KAT14: variants seen among roughly 807,000 people sequenced by gnomAD.
The protein encoded by KAT14 is lysine acetyltransferase 14, also known as cysteine-rich protein 2-binding protein.
KAT14 carries 66 observed loss-of-function variants against 78.4 expected under a neutral mutation model. The ratio of observed to expected loss-of-function variants is 0.84; its 90% CI spans 0.69 to 1.03. The LOEUF is 1.03. Among genes scored for constraint, KAT14 ranks in the 50% least tolerant of loss-of-function variants. The probability of loss-of-function intolerance (pLI) is 0.00; values close to 1 mark genes in which losing one functional copy is unlikely to be tolerated. For missense variants in KAT14, 870 were observed against 972.5 expected (o/e 0.89, Z 1.40); for synonymous variants, 344 against 359.4 (o/e 0.96, Z 0.48).
chr20:18,152,118 G>A (rs948899790), intron 4 of KAT14, among the ~76,000 whole-genome samples: 1 of 152,056 alleles, frequency 6.6e-6, no homozygotes, highest in African/African-American at 2.4e-5. Flanking sequence ...AGTTGGATAA[G>A]TCAATATTTC....
intron 4 of KAT14, among the ~76,000 whole-genome samples, chr20:18,152,085 T>C (rs1294283341): frequency 1.3e-5 from 2 of 152,232 alleles, no homozygotes; most frequent in East Asian, 3.9e-4. Flanking sequence ...AAATAAGAGT[T>C]GTATTACATG....
chr20:18,137,793 C>A, upstream of KAT14: 1 of 683,094 alleles, frequency 1.5e-6, no homozygotes, highest in Non-Finnish European at 2.2e-6. Context: ...CTATGCTCGG[C>A]TCTCGATTGC....
rs1458906078 is a variant in KAT14 at position 18,142,225 on chromosome 20, T to C, written c.-436T>C. On this transcript the variant is annotated 5_prime_UTR_variant, in exon 2 of 11. Transcript: ENST00000688188. ...GTTTTTAGAGGCTTCGTGACGGAGTTATCAGAGACATTGAGAGGCAAATTC... is the reference window on the plus strand; with the variant it reads ...GTTTTTAGAGGCTTCGTGACGGAGTCATCAGAGACATTGAGAGGCAAATTC... The C allele has an allele frequency of 6.5e-7, 1 of 1,537,184 alleles. No individual in the cohort carries two copies. Among genetic ancestry groups the C allele is most frequent in the Non-Finnish European group, 8.7e-7 (1 of 1,146,884 alleles).
At chr20:18,168,066 T>C (rs997451451) in intron 7 of KAT14, among the ~76,000 whole-genome samples, 2 of 152,242 alleles carry the variant, frequency 1.3e-5, no homozygotes, top group African/African-American at 4.8e-5. Context: ...TTGAGGTTAA[T>C]TTTGAAAACT....
intron 8 of KAT14, 48 bp downstream of exon 8, chr20:18,181,894 AT>A (rs1457343886): frequency 6.2e-7 from 1 of 1,604,658 alleles, no homozygotes; most frequent in Non-Finnish European, 8.5e-7. Flanking sequence ...ATGAGGGATA[AT>A]GATTGTGGTT....
At chr20:18,153,122 G>T (rs1296786174) in intron 4 of KAT14, among the ~76,000 whole-genome samples, 2 of 152,104 alleles carry the variant, frequency 1.3e-5, no homozygotes, top group Non-Finnish European at 2.9e-5. Context: ...TTCAGGTCAG[G>T]GCAGGGAGTT....
At chr20:18,153,641 C>T (rs1209668940) in intron 4 of KAT14, among the ~76,000 whole-genome samples, 1 of 152,166 alleles carries the variant, frequency 6.6e-6, no homozygotes, top group Non-Finnish European at 1.5e-5. Flanking sequence ...GAGGAATCAG[C>T]TGAGCCTTAT....
chr20:18,142,816 C>A lies in KAT14; in HGVS notation c.156C>A (p.His52Gln). 6.2e-7 allele frequency: 1 copy of A among 1,614,154 alleles called. No individual in the cohort carries two copies. The highest frequency in any genetic ancestry group is 8.5e-7 in the Non-Finnish European group (1 of 1,180,038). ...ATCAGGCATCAGTGGACTTATCGCA[C>A]GACCAGAGTGGGGATTCCCTCAACA... ...SEDQASVDLS[H>Q]DQSGDSLNSD... is the part of the protein sequence containing the mutation. Residue 52 changes from histidine to glutamine, a missense_variant, in exon 2 of 11, where the codon CAC becomes CAA. Transcript: ENST00000688188.
At chr20:18,173,480 C>T (rs2038926620) in intron 7 of KAT14, among the ~76,000 whole-genome samples, 1 of 152,230 alleles carries the variant, frequency 6.6e-6, no homozygotes, top group Non-Finnish European at 1.5e-5. Context: ...GACTTCTAAG[C>T]TTCTTGCCTG....
intron 2 of KAT14, among the ~76,000 whole-genome samples, chr20:18,144,397 T>G (rs1460167639): frequency 6.6e-6 from 1 of 152,208 alleles, no homozygotes; most frequent in Admixed American, 6.5e-5. Flanking sequence ...AACTTTGCAG[T>G]TAGGGTGAAC....
intron 10 of KAT14, among the ~76,000 whole-genome samples, chr20:18,186,945 T>C (rs1028416611): frequency 1.3e-5 from 2 of 152,106 alleles, no homozygotes; most frequent in African/African-American, 4.8e-5. Flanking sequence ...TTATTCAAGG[T>C]TATCATAGTG....
chr20:18,165,504 T>C (rs1436827032), intron 7 of KAT14, among the ~76,000 whole-genome samples: 2 of 152,202 alleles, frequency 1.3e-5, no homozygotes, highest in Non-Finnish European at 2.9e-5. Context: ...CCCTAGTGCG[T>C]ACCCCAGAGA....
At chr20:18,142,944 AT>A (rs773537680) in intron 2 of KAT14, 25 bp downstream of exon 2, 2 of 1,607,968 alleles carry the variant, frequency 1.2e-6, no homozygotes, top group Non-Finnish European at 1.7e-6. Flanking sequence ...AATTCCTTTG[AT>A]TTGTCAATTC....
At chr20:18,138,753 A>T (rs954866957) in intron 1 of KAT14, among the ~76,000 whole-genome samples, 2 of 152,136 alleles carry the variant, frequency 1.3e-5, no homozygotes, top group Admixed American at 6.5e-5. Flanking sequence ...ATCAGCAGTG[A>T]CTATTCTGTC....
chr20:18,155,371 C>T (rs561610634), intron 4 of KAT14, among the ~76,000 whole-genome samples: 2 of 152,092 alleles, frequency 1.3e-5, no homozygotes, highest in East Asian at 3.9e-4. Flanking sequence ...GCTACCCATC[C>T]CCCTTCTCCA....
chr20:18,176,520 G>A (rs999663391), intron 7 of KAT14, among the ~76,000 whole-genome samples: 9 of 152,154 alleles, frequency 5.9e-5, no homozygotes, highest in Non-Finnish European at 7.3e-5. Flanking sequence ...GCGGGCAGGA[G>A]CACTGCTCTA....
intron 1 of KAT14, chr20:18,138,395 G>A: frequency 9.6e-7 from 1 of 1,040,128 alleles, no homozygotes; most frequent in Non-Finnish European, 1.2e-6. Flanking sequence ...CAGCCGGCCC[G>A]CAGGGTGCGG....
At chr20:18,152,699 G>A (rs2038092426) in intron 4 of KAT14, among the ~76,000 whole-genome samples, 1 of 152,204 alleles carries the variant, frequency 6.6e-6, no homozygotes, top group Non-Finnish European at 1.5e-5. Flanking sequence ...AGTTAATAGA[G>A]TTTTGTATTA....
chr20:18,160,034 C>A (rs2038360754), intron 5 of KAT14, among the ~76,000 whole-genome samples: 1 of 152,130 alleles, frequency 6.6e-6, no homozygotes, highest in African/African-American at 2.4e-5. Context: ...GTGCCTCAGC[C>A]TCCCAAATAA....
Sources: allele counts gnomAD v4.1 joint callset (sites outside exome capture counted in the v4.1 genomes callset), GRCh38; gene constraint gnomAD v4.1.1; transcripts MANE v1.5; gene names NCBI Gene and HGNC (gene_info 2026-07-23, HGNC 2026-07-21).